Variants in ANKRD11 observed in about 807,000 individuals in gnomAD.
The protein encoded by ANKRD11 is ankyrin repeat domain 11.
A neutral mutation model predicts 195.7 loss-of-function variants in ANKRD11; 17 were observed. The observed-to-expected ratio is 0.09, with a 90% CI of 0.06 to 0.13. ANKRD11 has a LOEUF of 0.13. Among genes scored for constraint, ANKRD11 ranks in the 10% least tolerant of loss-of-function variants. ANKRD11 has a pLI of 1.00. For synonymous variants in ANKRD11, 1,953 were observed against 1,528.1 expected, an observed-to-expected ratio of 1.28 and a Z score of -6.49; for missense variants, 3,735 against 3,566.1, an observed-to-expected ratio of 1.05 and a Z score of -1.21.
At position 89,284,562 on chromosome 16, in the gene ANKRD11, T is replaced by G; in HGVS notation, c.1980A>C (p.Glu660Asp). The part of the protein sequence containing the change: ...QELKLKSFTY[E>D]YEDSKQKSDK... ...CTGACTTCTGCTTGGAGTCCTCATA[T>G]TCGTAAGTAAAACTTTTCAACTTCA... Residue 660 changes from glutamate to aspartate, a missense_variant, in exon 9 of 13, where the codon GAA becomes GAC. By Grantham distance (45) the Glu-to-Asp change is conservative. Transcript: ENST00000301030. The G allele has an allele frequency of 1.2e-6, 2 of 1,614,208 alleles. No individual in the cohort carries two copies. The highest frequency in any genetic ancestry group is 1.7e-6 in the Non-Finnish European group (2 of 1,180,044).
intron 3 of ANKRD11, among the ~76,000 whole-genome samples, chr16:89,310,675 T>G (rs2036561265): frequency 6.6e-6 from 1 of 152,216 alleles, no homozygotes; most frequent in Non-Finnish European, 1.5e-5. Flanking sequence ...TCGGTCAAAT[T>G]TACCCCAAAA....
intron 1 of ANKRD11, among the ~76,000 whole-genome samples, chr16:89,451,297 T>C (rs910681699): frequency 1.3e-5 from 2 of 152,114 alleles, no homozygotes; most frequent in African/African-American, 2.4e-5. Flanking sequence ...AGACAGATAG[T>C]AGATTAGTGG....
At chr16:89,481,415 TA>T (rs2057441290) in intron 1 of ANKRD11, among the ~76,000 whole-genome samples, 1 of 152,082 alleles carries the variant, frequency 6.6e-6, no homozygotes, top group South Asian at 2.1e-4. Context: ...AAAGAATTTT[TA>T]AAAATTAGCG....
intron 2 of ANKRD11, among the ~76,000 whole-genome samples, chr16:89,396,455 G>A (rs534653530): frequency 6.0e-4 from 92 of 152,226 alleles, no homozygotes; most frequent in Middle Eastern, 6.8e-3. Flanking sequence ...ACACCTGCTG[G>A]GTTTTGGTGT....
At chr16:89,277,514 G>A (rs1055001781) in intron 9 of ANKRD11, 1 of 152,238 alleles carries the variant, frequency 6.6e-6, no homozygotes, top group East Asian at 1.9e-4. Context: ...TCCATTAAAC[G>A]AGAAAACAAA....
chr16:89,461,765 G>A (rs963718765), intron 1 of ANKRD11, among the ~76,000 whole-genome samples: 11 of 152,158 alleles, frequency 7.2e-5, no homozygotes, highest in African/African-American at 2.4e-4. Flanking sequence ...AAGAAGAAAT[G>A]TATCTTTTAA....
chr16:89,281,384 G>A lies in ANKRD11; in HGVS notation c.5158C>T (p.His1720Tyr), dbSNP rs1394966920. The A allele has an allele frequency of 8.7e-6, 14 of 1,609,194 alleles. No homozygotes were observed. The highest frequency in any genetic ancestry group is 1.1e-5 in the Non-Finnish European group (13 of 1,176,404). The part of the protein sequence containing the change: ...LSCPSYEEVM[H>Y]TPRTPSCSAD... ...CTGCAGGACGGGGTCCTGGGCGTGT[G>A]CATCACCTCCTCGTAGCTGGGGCAG... Residue 1720 changes from histidine to tyrosine, a missense_variant, in exon 9 of 13, where the codon CAC becomes TAC. His to Tyr is a moderately conservative substitution (Grantham distance 83). Coordinates refer to ENST00000301030, the MANE Select transcript of ANKRD11 (RefSeq NM_013275.6). This position sits in a 1 kb window ranked among gnomAD's most constrained non-coding sequence, Gnocchi z 5.5.
chr16:89,302,230 C>T (rs1024381041), intron 4 of ANKRD11, among the ~76,000 whole-genome samples: 1 of 152,192 alleles, frequency 6.6e-6, no homozygotes, highest in African/African-American at 2.4e-5. Flanking sequence ...CAGGGTGGGG[C>T]TGAACGCACT....
intron 2 of ANKRD11, chr16:89,373,084 TCTC>T (rs1313722049): frequency 6.6e-6 from 1 of 152,126 alleles, no homozygotes; most frequent in Non-Finnish European, 1.5e-5. Flanking sequence ...AAAGAACTCT[TCTC>T]CCGCTGCATA....
At chr16:89,369,936 A>G (rs1337146887) in intron 2 of ANKRD11, among the ~76,000 whole-genome samples, 4 of 152,070 alleles carry the variant, frequency 2.6e-5, no homozygotes, top group Admixed American at 2.6e-4. Context: ...AAAACCAAAC[A>G]CGGGGGGCCC....
chr16:89,347,768 ACATCTCCAACATTAGG>A lies in ANKRD11; in HGVS notation c.-59-30706_-59-30691del, dbSNP rs199660875. ...AAAGAATACAAAGAGATGACCACAA[ACATCTCCAACATTAGG>A]CATCTCCAACATTAGGAAAAACATA... is the stretch of plus-strand genomic sequence containing the variant. On this transcript the variant is annotated intron_variant, in intron 2 of 12. Transcript: ENST00000301030. Among the ~76,000 whole-genome samples the A allele has an allele frequency of 3.5e-3, 536 of 152,282 alleles. 3 individuals are homozygous for A. Among genetic ancestry groups the A allele is most frequent in the African/African-American group, 0.012 (497 of 41,528 alleles).
At chr16:89,399,889 G>C (rs886631654) in intron 2 of ANKRD11, among the ~76,000 whole-genome samples, 6 of 152,200 alleles carry the variant, frequency 3.9e-5, no homozygotes, top group African/African-American at 1.2e-4. Context: ...CACAGAATCG[G>C]CTCCCAGAGC....
At chr16:89,448,362 T>C (rs945464351) in intron 1 of ANKRD11, among the ~76,000 whole-genome samples, 4 of 152,222 alleles carry the variant, frequency 2.6e-5, no homozygotes, top group African/African-American at 9.6e-5. Context: ...AAAATCTGAA[T>C]TGAAAGGACA....
chr16:89,285,780 C>T lies in ANKRD11; in HGVS notation c.893-131G>A, dbSNP rs988435693. The T allele has an allele frequency of 4.4e-6, 5 of 1,148,652 alleles. No individual in the cohort carries two copies. Among genetic ancestry groups the T allele is most frequent in the African/African-American group, 3.1e-5 (2 of 65,416 alleles). The allele number at this position is 1,148,652 out of a possible 1,614,324, so 71.2% of individuals were successfully genotyped here. A position where few individuals can be genotyped will look rare whatever the true frequency, so the allele number is the denominator to read the frequency against. On this transcript the variant is annotated intron_variant, in intron 8 of 12. Coordinates refer to ENST00000301030, the MANE Select transcript of ANKRD11 (RefSeq NM_013275.6). This position sits in a 1 kb window ranked among gnomAD's most constrained non-coding sequence, Gnocchi z 5.6. ...CCTGCCTCTGCAGAGACACTTTGCT[C>T]GACTCATGGAAACCAGCCACAGGCA...
chr16:89,325,132 G>C (rs1183959626), intron 2 of ANKRD11: 1 of 153,066 alleles, frequency 6.5e-6, no homozygotes, highest in African/African-American at 2.4e-5. Flanking sequence ...ACAGACACAA[G>C]AGACACGCGT....
chr16:89,359,353 T>C (rs2039625128), intron 2 of ANKRD11, among the ~76,000 whole-genome samples: 1 of 152,130 alleles, frequency 6.6e-6, no homozygotes, highest in African/African-American at 2.4e-5. Context: ...GTACAGCCCT[T>C]TAAAAAGCAG....
intron 2 of ANKRD11, among the ~76,000 whole-genome samples, chr16:89,394,168 G>T (rs141436776): frequency 6.6e-6 from 1 of 151,980 alleles, no homozygotes; most frequent in South Asian, 2.1e-4. Context: ...TCCTCCTGAG[G>T]TCAACGGGCA....
intron 2 of ANKRD11, among the ~76,000 whole-genome samples, 169 bp downstream of exon 2, chr16:89,418,115 C>G (rs1231828175): frequency 2.0e-5 from 3 of 152,198 alleles, no homozygotes; most frequent in Non-Finnish European, 4.4e-5. Flanking sequence ...TTACCTGTTA[C>G]CACTCTGAAT....
intron 3 of ANKRD11, 23 bp downstream of exon 3, chr16:89,316,910 G>C: frequency 6.2e-7 from 1 of 1,610,496 alleles, no homozygotes; most frequent in Non-Finnish European, 8.5e-7. Context: ...TGAGCATGCA[G>C]GGCTGGGAGG....
Sources: gnomAD v4.1 joint callset for allele counts (sites outside exome capture counted in the v4.1 genomes callset) on GRCh38, gnomAD v4.1.1 for gene constraint, Gnocchi (gnomAD v3.1) non-coding constraint, MANE v1.5 for transcripts, NCBI Gene and HGNC (gene_info 2026-07-23, HGNC 2026-07-21) for gene names.